Variants in HYCC2 observed in about 807,000 individuals in gnomAD.
HYCC2 encodes the protein hyccin PI4KA lipid kinase complex subunit 2.
the HYCC2 span, among the ~76,000 whole-genome samples, chr2:201,003,507 A>G: frequency 6.6e-6 from 1 of 151,946 alleles, no homozygotes; most frequent in African/African-American, 2.4e-5. Context: ...TCAGGGGTTC[A>G]AGACTAGCCC....
chr2:201,011,503 A>G, the HYCC2 span: 1 of 1,105,092 alleles, frequency 9.0e-7, no homozygotes, highest in Non-Finnish European at 1.2e-6. Flanking sequence ...AAGATAATGA[A>G]ATAATCACAG....
chr2:201,041,952 CCTCCCCTTTGCACGGTCCTCCT>C, the HYCC2 span, among the ~76,000 whole-genome samples: 3 of 152,142 alleles, frequency 2.0e-5, no homozygotes, highest in Admixed American at 6.5e-5. Flanking sequence ...TCCCCCTCCC[CCTCCCCTTTGCACGGTCCTCCT>C]CTCCCCTTTG....
At chr2:201,048,446 C>T in the HYCC2 span, among the ~76,000 whole-genome samples, 1 of 151,296 alleles carries the variant, frequency 6.6e-6, no homozygotes, top group African/African-American at 2.4e-5. Context: ...TATGGCCCGA[C>T]ACAAATTTGT....
At chr2:200,982,211 T>C in the HYCC2 span, among the ~76,000 whole-genome samples, 2 of 150,206 alleles carry the variant, frequency 1.3e-5, no homozygotes, top group Non-Finnish European at 3.0e-5. Flanking sequence ...TCTTCTGAAA[T>C]GACCATATCT....
At chr2:201,058,298 A>C in the HYCC2 span, among the ~76,000 whole-genome samples, 5,704 of 152,342 alleles carry the variant, frequency 0.037, 143 homozygotes, top group Middle Eastern at 0.088. Context: ...ATAAGAAGAA[A>C]ATTGTATCAC....
chr2:201,005,196 C>T, the HYCC2 span, among the ~76,000 whole-genome samples: 1 of 152,016 alleles, frequency 6.6e-6, no homozygotes. Flanking sequence ...GAAGGGTTGG[C>T]TTATAGGCCT....
At chr2:201,036,318 G>A in the HYCC2 span, among the ~76,000 whole-genome samples, 1 of 152,200 alleles carries the variant, frequency 6.6e-6, no homozygotes, top group Non-Finnish European at 1.5e-5. Context: ...AGAGGTATAA[G>A]GAGGAGCTGG....
chr2:200,982,230 G>GAA, the HYCC2 span, among the ~76,000 whole-genome samples: 10 of 119,068 alleles, frequency 8.4e-5, no homozygotes, highest in Non-Finnish European at 1.1e-4. Context: ...CTACCTACTG[G>GAA]AAAAAAAAAA....
the HYCC2 span, among the ~76,000 whole-genome samples, chr2:201,034,948 G>A: frequency 6.6e-6 from 1 of 152,222 alleles, no homozygotes; most frequent in East Asian, 1.9e-4. Flanking sequence ...CTTCTGGCTT[G>A]TAGAGTTTCT....
At chr2:201,066,624 T>G in the HYCC2 span, 1 of 152,310 alleles carries the variant, frequency 6.6e-6, no homozygotes, top group South Asian at 2.1e-4. Context: ...TTAAGGAGGT[T>G]AATTGGCAAG....
the HYCC2 span, among the ~76,000 whole-genome samples, chr2:201,065,894 A>T: frequency 3.4e-4 from 52 of 152,322 alleles, no homozygotes; most frequent in Non-Finnish European, 5.6e-4. Flanking sequence ...CTAATTAAAT[A>T]AAAAAATCAC....
the HYCC2 span, chr2:200,976,380 G>C: frequency 6.6e-6 from 1 of 152,160 alleles, no homozygotes; most frequent in Non-Finnish European, 1.5e-5. Context: ...GTCAGAAATG[G>C]ACAGATATTC....
At chr2:200,992,131 T>C in the HYCC2 span, 1 of 571,590 alleles carries the variant, frequency 1.7e-6, no homozygotes. Flanking sequence ...GGAAAGGACC[T>C]AAACCTATTT....
the HYCC2 span, among the ~76,000 whole-genome samples, chr2:201,057,123 C>T: frequency 6.6e-6 from 1 of 152,226 alleles, no homozygotes; most frequent in African/African-American, 2.4e-5. Flanking sequence ...CCAGCAGAGA[C>T]TGACCATGTG....
the HYCC2 span, chr2:201,021,390 T>C: frequency 6.5e-6 from 1 of 153,706 alleles, no homozygotes; most frequent in Non-Finnish European, 1.5e-5. Flanking sequence ...TTTCCATTTC[T>C]AGCCATGAAA....
chr2:201,023,864 T>C, the HYCC2 span: 14 of 921,368 alleles, frequency 1.5e-5, no homozygotes, highest in Middle Eastern at 2.4e-4. Flanking sequence ...TGTTTCTCCA[T>C]AGAGCACATA....
the HYCC2 span, among the ~76,000 whole-genome samples, chr2:201,070,332 T>G: frequency 1.3e-5 from 2 of 152,182 alleles, no homozygotes; most frequent in Admixed American, 1.3e-4. Flanking sequence ...CTTCTCAGAC[T>G]TGCTTACAGA....
At chr2:200,989,906 T>G in the HYCC2 span, among the ~76,000 whole-genome samples, 1 of 152,160 alleles carries the variant, frequency 6.6e-6, no homozygotes, top group East Asian at 1.9e-4. Context: ...AATACTGTTA[T>G]CAAAATATTA....
the HYCC2 span, among the ~76,000 whole-genome samples, chr2:201,055,075 T>C: frequency 6.6e-6 from 1 of 152,204 alleles, no homozygotes; most frequent in Non-Finnish European, 1.5e-5. Context: ...TCGTGGCATT[T>C]TTAACCTCTA....
Sources: allele counts gnomAD v4.1 joint callset (sites outside exome capture counted in the v4.1 genomes callset), GRCh38; gene constraint gnomAD v4.1.1; transcripts MANE v1.5; gene names NCBI Gene and HGNC (gene_info 2026-07-23, HGNC 2026-07-21).